Variants in ITIH2 observed in about 807,000 individuals in gnomAD.
ITIH2 encodes the protein inter-alpha-trypsin inhibitor heavy chain 2, also known as inter-alpha-trypsin inhibitor heavy chain H2.
Under a neutral mutation model 104.4 loss-of-function variants are expected in ITIH2, and 103 were observed. The observed-to-expected ratio is 0.99, with a 90% CI of 0.84 to 1.16. The LOEUF (loss-of-function observed/expected upper bound fraction) is 1.16, where lower values mean the gene tolerates loss of function less well. ITIH2 is among the 50% of genes most tolerant of loss of function. The pLI is 0.00. For missense variants in ITIH2, 1,108 were observed against 1,162.4 expected, an observed-to-expected ratio of 0.95 and a Z score of 0.68; for synonymous variants, 436 against 435.4, an observed-to-expected ratio of 1.00 and a Z score of -0.02.
chr10:7,745,068 T>C, intron 19 of ITIH2, 105 bp downstream of exon 19: 1 of 985,024 alleles, frequency 1.0e-6, no homozygotes, highest in South Asian at 1.5e-5. Context: ...TGTGGACTCA[T>C]GAGCACAGAG....
chr10:7,741,367 G>A (rs1475648689), intron 16 of ITIH2, among the ~76,000 whole-genome samples: 1 of 151,630 alleles, frequency 6.6e-6, no homozygotes, highest in Non-Finnish European at 1.5e-5. Context: ...TTTAGTAGAG[G>A]CGGGGTTTCA....
At chr10:7,715,363 G>C (rs1308741318) in intron 5 of ITIH2, among the ~76,000 whole-genome samples, 2 of 152,104 alleles carry the variant, frequency 1.3e-5, no homozygotes, top group Non-Finnish European at 2.9e-5. Context: ...GGAGGTTGCA[G>C]TGAGTCGACA....
chr10:7,717,331 T>C (rs1196114185), intron 5 of ITIH2, among the ~76,000 whole-genome samples: 1 of 152,206 alleles, frequency 6.6e-6, no homozygotes, highest in Non-Finnish European at 1.5e-5. Flanking sequence ...CAATGATAGA[T>C]GTCAAATTCC....
In ITIH2 at chr10:7,707,197, A is replaced by G. The variant is rs1437160042; in HGVS notation, c.160-4A>G. On this transcript the variant is annotated splice_region_variant and splice_polypyrimidine_tract_variant and intron_variant, in intron 2 of 20. Coordinates refer to ENST00000358415, the MANE Select transcript of ITIH2 (RefSeq NM_002216.3). Reference sequence around the variant, plus strand: ...AAGAATGATTGTCTAACTTCCTTTCACAGAGAAGCCTTCCAGGAGAATCGG... The same window carrying G: ...AAGAATGATTGTCTAACTTCCTTTCGCAGAGAAGCCTTCCAGGAGAATCGG... The G allele has an allele frequency of 5.6e-6, 9 of 1,600,870 alleles. No homozygotes were observed. The highest frequency in any genetic ancestry group is 1.7e-4 in the Middle Eastern group (1 of 6,056).
chr10:7,731,677 A>AT, intron 12 of ITIH2, 134 bp from the exon 13 acceptor site: 2 of 555,162 alleles, frequency 3.6e-6, no homozygotes, highest in Non-Finnish European at 5.9e-6. Context: ...GTGAGACGAG[A>AT]TCCCACCACT....
intron 5 of ITIH2, 73 bp from the exon 6 acceptor site, chr10:7,717,553 C>A: frequency 7.0e-7 from 1 of 1,419,530 alleles, no homozygotes; most frequent in Non-Finnish European, 9.8e-7. Context: ...TTCTACATGC[C>A]CTCTGCCTAG....
intron 13 of ITIH2, 81 bp downstream of exon 13, chr10:7,732,077 T>C: frequency 8.8e-7 from 1 of 1,135,938 alleles, no homozygotes; most frequent in Admixed American, 1.9e-5. Context: ...TCTGCCTGCC[T>C]GGAATCATGG....
intron 12 of ITIH2, among the ~76,000 whole-genome samples, chr10:7,730,537 C>T (rs1202932834): frequency 6.6e-6 from 1 of 152,152 alleles, no homozygotes; most frequent in Non-Finnish European, 1.5e-5. Flanking sequence ...TATTAAGATA[C>T]AGGCTGAGTG....
chr10:7,721,103 C>A, intron 7 of ITIH2, 140 bp downstream of exon 7: 1 of 616,928 alleles, frequency 1.6e-6, no homozygotes, highest in Admixed American at 2.9e-5. Flanking sequence ...CCAAGTAGAG[C>A]CTAGGGCCTC....
intron 4 of ITIH2, among the ~76,000 whole-genome samples, chr10:7,711,207 G>A (rs1834794709): frequency 6.6e-6 from 1 of 152,300 alleles, no homozygotes; most frequent in East Asian, 1.9e-4. Flanking sequence ...TTCTGTTCCT[G>A]TGTTAGTTTG....
chr10:7,709,387 C>G (rs1326636915), intron 4 of ITIH2, among the ~76,000 whole-genome samples, 196 bp downstream of exon 4: 1 of 152,114 alleles, frequency 6.6e-6, no homozygotes, highest in Admixed American at 6.5e-5. Context: ...CTTTTTGTTT[C>G]TAATAAGCTA....
chr10:7,718,599 G>T (rs1440290934), intron 6 of ITIH2, among the ~76,000 whole-genome samples: 1 of 152,056 alleles, frequency 6.6e-6, no homozygotes, highest in Non-Finnish European at 1.5e-5. Flanking sequence ...TGTCACAGGG[G>T]TTGGGTGTAC....
At chr10:7,724,099 G>A (rs1039241973) in intron 9 of ITIH2, among the ~76,000 whole-genome samples, 1 of 152,094 alleles carries the variant, frequency 6.6e-6, no homozygotes, top group Admixed American at 6.5e-5. Context: ...GGCTTACTTA[G>A]TGATAAGTGA....
At chr10:7,722,413 A>C (rs760087496) in intron 8 of ITIH2, among the ~76,000 whole-genome samples, 14 of 152,208 alleles carry the variant, frequency 9.2e-5, no homozygotes, top group Non-Finnish European at 1.5e-4. Flanking sequence ...AGCCTGCAGC[A>C]GAAGACAAAG....
At chr10:7,740,764 C>T (rs1376021106) in intron 16 of ITIH2, among the ~76,000 whole-genome samples, 2 of 152,120 alleles carry the variant, frequency 1.3e-5, no homozygotes, top group Non-Finnish European at 2.9e-5. Flanking sequence ...AAGCAGCCCA[C>T]CTCTAAAACG....
At chr10:7,722,316 GCA>G (rs3036341) in intron 8 of ITIH2, among the ~76,000 whole-genome samples, 33,674 of 151,878 alleles carry the variant, frequency 0.22, 4,560 homozygotes, top group African/African-American at 0.38. Context: ...AGCAAGCGGA[GCA>G]CACACCCTGT....
chr10:7,706,457 C>T (rs1195959772), intron 2 of ITIH2, among the ~76,000 whole-genome samples: 1 of 152,184 alleles, frequency 6.6e-6, no homozygotes, highest in Non-Finnish European at 1.5e-5. Context: ...GGATAATCTC[C>T]TAGCATGGTG....
At position 7,726,932 on chromosome 10, in the gene ITIH2, T is replaced by C; in HGVS notation, c.985-18T>C. ...GATTTTCTGTAATGGGACCTGTCTT[T>C]ATTCTCTATTGAAATAGACTGTGGA... On this transcript the variant is annotated intron_variant, in intron 9 of 20. Transcript: ENST00000358415. The C allele has an allele frequency of 1.3e-6, 2 of 1,579,262 alleles. No individual in the cohort carries two copies. The highest frequency in any genetic ancestry group is 1.7e-6 in the Non-Finnish European group (2 of 1,160,346).
intron 1 of ITIH2, among the ~76,000 whole-genome samples, chr10:7,704,864 C>G (rs1468265656): frequency 6.7e-6 from 1 of 150,208 alleles, no homozygotes; most frequent in Admixed American, 6.6e-5. Flanking sequence ...AAGTGGGAGT[C>G]GAACAACGAG....
Sources: allele counts gnomAD v4.1 joint callset (sites outside exome capture counted in the v4.1 genomes callset), GRCh38; gene constraint gnomAD v4.1.1; transcripts MANE v1.5; gene names NCBI Gene and HGNC (gene_info 2026-07-23, HGNC 2026-07-21).